The following FOCAD variants were observed in gnomAD, a reference collection of about 807,000 sequenced individuals.
FOCAD encodes focadhesin.
In FOCAD, 198 loss-of-function variants were observed where a neutral mutation model predicts 225.6. That is an observed-to-expected ratio of 0.88 (90% CI 0.78 to 0.99). The LOEUF is 0.99. Ranked by LOEUF, FOCAD falls within the 50% of genes least tolerant of loss-of-function variation. The probability of loss-of-function intolerance (pLI) is 0.00; values close to 1 mark genes in which losing one functional copy is unlikely to be tolerated. For missense variants in FOCAD, 2,713 were observed against 2,123.6 expected (o/e 1.28, Z -5.46); for synonymous variants, 897 against 755.0 (o/e 1.19, Z -3.08).
At chr9:20,969,418 A>T (rs938811953) in intron 35 of FOCAD, among the ~76,000 whole-genome samples, 3 of 152,050 alleles carry the variant, frequency 2.0e-5, no homozygotes, top group Admixed American at 6.6e-5. Context: ...TTCTCCTTTC[A>T]ATTCTGTCAG....
chr9:20,993,584 G>T (rs764916060), intron 43 of FOCAD, among the ~76,000 whole-genome samples: 6 of 152,096 alleles, frequency 3.9e-5, no homozygotes, highest in Non-Finnish European at 8.8e-5. Context: ...ATGGCCGGAA[G>T]GTAATTTTAT....
chr9:20,800,329 G>A (rs1054520184), intron 11 of FOCAD, among the ~76,000 whole-genome samples: 3 of 151,954 alleles, frequency 2.0e-5, no homozygotes, highest in African/African-American at 7.2e-5. Flanking sequence ...ATGTGTCTTG[G>A]AGTTGCTCTT....
Position 20,752,457 on chromosome 9 carries a change from T to G in FOCAD, c.393-5633T>G, listed in dbSNP as rs548239281. 4.2e-3 allele frequency among the ~76,000 whole-genome samples: 640 copies of G among 152,278 alleles called. 5 individuals are homozygous for G. Among genetic ancestry groups the G allele is most frequent in the African/African-American group, 0.014 (602 of 41,530 alleles). On this transcript the variant is annotated intron_variant, in intron 5 of 43. Coordinates refer to ENST00000338382, the MANE Select transcript of FOCAD (RefSeq NM_001375567.1). ...TTGTTTTTCTCAGGTTTGCCAAAGA[T>G]CAGATAGTTGTAGATATGCGGCGTT...
At chr9:20,995,368 A>AC (rs1841979095) in intron 43 of FOCAD, among the ~76,000 whole-genome samples, 188 bp from the exon 44 acceptor site, 2 of 73,414 alleles carry the variant, frequency 2.7e-5, no homozygotes, top group African/African-American at 5.7e-5. Context: ...CTTAAAAAAA[A>AC]AAAAAAAAAC....
intron 40 of FOCAD, 109 bp from the exon 41 acceptor site, chr9:20,988,223 A>G (rs566406927): frequency 2.7e-4 from 162 of 605,986 alleles, no homozygotes; most frequent in Non-Finnish European, 3.1e-4. Flanking sequence ...AAACTGGTTA[A>G]TGGAATCCTC....
chr9:20,812,117 C>T (rs7848701), intron 11 of FOCAD, among the ~76,000 whole-genome samples: 2 of 151,732 alleles, frequency 1.3e-5, no homozygotes, highest in African/African-American at 2.4e-5. Flanking sequence ...TAAGAATACA[C>T]TTTTGTAATT....
At chr9:20,721,555 A>T (rs1361248370) in intron 4 of FOCAD, among the ~76,000 whole-genome samples, 1 of 152,106 alleles carries the variant, frequency 6.6e-6, no homozygotes, top group East Asian at 1.9e-4. Context: ...TACAAAAATT[A>T]GCTGGGCGTG....
intron 28 of FOCAD, among the ~76,000 whole-genome samples, chr9:20,941,171 C>A (rs1836619567): frequency 6.6e-6 from 1 of 152,138 alleles, no homozygotes; most frequent in Non-Finnish European, 1.5e-5. Flanking sequence ...AGAGCAAATT[C>A]ACCATGCTTC....
chr9:20,833,831 A>G (rs1377660651), intron 15 of FOCAD, among the ~76,000 whole-genome samples: 1 of 152,110 alleles, frequency 6.6e-6, no homozygotes, highest in Non-Finnish European at 1.5e-5. Context: ...TGGAATCACT[A>G]AAATTAAAAA....
chr9:20,964,405 A>C (rs1363418925), intron 35 of FOCAD, among the ~76,000 whole-genome samples: 1 of 152,068 alleles, frequency 6.6e-6, no homozygotes, highest in Non-Finnish European at 1.5e-5. Flanking sequence ...GAAAAGAAAA[A>C]ATAATAATAA....
intron 5 of FOCAD, among the ~76,000 whole-genome samples, chr9:20,742,649 T>A (rs883599): frequency 0.17 from 26,175 of 152,234 alleles, 2,738 homozygotes; most frequent in Non-Finnish European, 0.23. Flanking sequence ...AAGTTTTCTA[T>A]AATGCAGAGA....
At chr9:20,786,957 A>T in intron 10 of FOCAD, 2 of 473,816 alleles carry the variant, frequency 4.2e-6, no homozygotes, top group Non-Finnish European at 8.4e-6. Flanking sequence ...CCCTCAGGCT[A>T]TGGGGCCAGG....
At chr9:20,719,336 G>A (rs1825596898) in intron 3 of FOCAD, among the ~76,000 whole-genome samples, 1 of 152,120 alleles carries the variant, frequency 6.6e-6, no homozygotes, top group Non-Finnish European at 1.5e-5. Flanking sequence ...ACCCGCCTTG[G>A]CCTCCCAAAG....
At position 20,779,750 on chromosome 9, in the gene FOCAD, C is replaced by G. The variant is rs180777305; in HGVS notation, c.994+982C>G. ...GGGCAACAAGAGCGAAACTCCGTCT[C>G]AAAAAAAAAAAAAAGTGTGCGAGAT... is the stretch of plus-strand genomic sequence containing the variant. On this transcript the variant is annotated intron_variant, in intron 9 of 43. Transcript: ENST00000338382. Among the ~76,000 whole-genome samples, 943 of 128,418 alleles carry G rather than the reference C, an allele frequency of 7.3e-3. 9 individuals carry two copies. Among genetic ancestry groups the G allele is most frequent in the African/African-American group, 0.025 (900 of 35,768 alleles). The allele number at this position is 128,418 out of a possible 152,430, so 84.2% of individuals were successfully genotyped here.
intron 27 of FOCAD, among the ~76,000 whole-genome samples, chr9:20,932,065 C>G (rs1351742921): frequency 1.3e-5 from 2 of 152,012 alleles, no homozygotes; most frequent in African/African-American, 4.8e-5. Flanking sequence ...CCAGAAAATA[C>G]AAAAATGATC....
intron 5 of FOCAD, among the ~76,000 whole-genome samples, chr9:20,750,194 A>G (rs1165323834): frequency 6.6e-6 from 1 of 152,166 alleles, no homozygotes; most frequent in Non-Finnish European, 1.5e-5. Context: ...AACAACATGA[A>G]TCAACCAGTT....
intron 15 of FOCAD, among the ~76,000 whole-genome samples, chr9:20,861,210 T>G (rs981970228): frequency 1.3e-5 from 2 of 152,226 alleles, no homozygotes; most frequent in African/African-American, 2.4e-5. Flanking sequence ...TTTAGAGTGA[T>G]GTATCTTTTT....
At chr9:20,835,519 A>G (rs1825909991) in intron 15 of FOCAD, among the ~76,000 whole-genome samples, 2 of 152,222 alleles carry the variant, frequency 1.3e-5, no homozygotes, top group African/African-American at 4.8e-5. Context: ...GTTGTGGTGA[A>G]TGAGTCATAA....
upstream of FOCAD, chr9:20,683,189 T>G (rs1483288318): frequency 2.6e-5 from 4 of 152,174 alleles, no homozygotes; most frequent in Non-Finnish European, 5.9e-5. Flanking sequence ...TTCCTACAAA[T>G]GAGAAACAGA....
Sources: gnomAD v4.1 joint callset for allele counts (sites outside exome capture counted in the v4.1 genomes callset) on GRCh38, gnomAD v4.1.1 for gene constraint, MANE v1.5 for transcripts, NCBI Gene and HGNC (gene_info 2026-07-23, HGNC 2026-07-21) for gene names.